The following TRAM2 variants were observed in gnomAD, a reference collection of about 807,000 sequenced individuals.
TRAM2 encodes translocation associated membrane protein 2.
In TRAM2, 12 loss-of-function variants were observed where a neutral mutation model predicts 51.0. That is an observed-to-expected ratio of 0.24 (90% CI 0.15 to 0.38). The LOEUF is 0.38. Ranked by LOEUF, TRAM2 falls within the 10% of genes least tolerant of loss-of-function variation. The pLI, the probability that TRAM2 is intolerant of heterozygous loss-of-function variation, is 1.00. For missense variants in TRAM2, 361 were observed against 462.0 expected (o/e 0.78, Z 2.00); for synonymous variants, 175 against 179.4 (o/e 0.98, Z 0.20).
At chr6:52,514,486 C>T (rs1766508564) in intron 4 of TRAM2, among the ~76,000 whole-genome samples, 1 of 152,160 alleles carries the variant, frequency 6.6e-6, no homozygotes, top group Non-Finnish European at 1.5e-5. Context: ...GAATAAAAAA[C>T]TGTTATGTGC....
chr6:52,533,459 T>C (rs1428057287), intron 2 of TRAM2, among the ~76,000 whole-genome samples: 1 of 152,222 alleles, frequency 6.6e-6, no homozygotes, highest in Non-Finnish European at 1.5e-5. Context: ...GTCTGCTTCC[T>C]GACCACTGGT....
At chr6:52,549,812 G>C (rs1466451547) in intron 1 of TRAM2, among the ~76,000 whole-genome samples, 2 of 152,166 alleles carry the variant, frequency 1.3e-5, no homozygotes, top group African/African-American at 2.4e-5. Flanking sequence ...AAGCAATGGT[G>C]ATTCTAAATC....
At chr6:52,559,345 T>G (rs1159494622) in intron 1 of TRAM2, among the ~76,000 whole-genome samples, 4 of 152,208 alleles carry the variant, frequency 2.6e-5, no homozygotes, top group Non-Finnish European at 4.4e-5. Flanking sequence ...GGCGAGTGAC[T>G]TGAATTATCT....
intron 10 of TRAM2, among the ~76,000 whole-genome samples, chr6:52,504,314 C>T (rs556337740): frequency 6.6e-6 from 1 of 152,318 alleles, no homozygotes; most frequent in East Asian, 1.9e-4. Context: ...GGACACGCTT[C>T]CTGCCAGAGT....
chr6:52,547,223 G>C (rs1015274698), intron 1 of TRAM2, among the ~76,000 whole-genome samples: 1 of 152,164 alleles, frequency 6.6e-6, no homozygotes, highest in Non-Finnish European at 1.5e-5. Flanking sequence ...GAGAAATGTG[G>C]TTGGACATGC....
chr6:52,552,987 C>G (rs963471242), intron 1 of TRAM2, among the ~76,000 whole-genome samples: 5 of 152,270 alleles, frequency 3.3e-5, no homozygotes, highest in Middle Eastern at 3.4e-3. Flanking sequence ...TCATTTGCCA[C>G]CAGCCTGTAG....
At chr6:52,523,560 C>A (rs1398385891) in intron 2 of TRAM2, 1 of 152,236 alleles carries the variant, frequency 6.6e-6, no homozygotes, top group African/African-American at 2.4e-5. Context: ...ACAATATATT[C>A]TTGCTAAGGC....
intron 1 of TRAM2, among the ~76,000 whole-genome samples, chr6:52,576,325 T>C (rs767993598): frequency 4.0e-5 from 6 of 151,896 alleles, no homozygotes; most frequent in Non-Finnish European, 8.8e-5. Flanking sequence ...GAAAATCACA[T>C]AGGAAGTGGA....
At chr6:52,570,445 C>G (rs17665178) in intron 1 of TRAM2, among the ~76,000 whole-genome samples, 33,699 of 152,086 alleles carry the variant, frequency 0.22, 4,622 homozygotes, top group Non-Finnish European at 0.31. Context: ...CACAGACACC[C>G]CATTTGTGGA....
chr6:52,527,821 T>G (rs1766811751), intron 2 of TRAM2, among the ~76,000 whole-genome samples: 1 of 152,202 alleles, frequency 6.6e-6, no homozygotes, highest in African/African-American at 2.4e-5. Context: ...TTCATTGAGC[T>G]GAACACATGA....
At chr6:52,561,661 T>C (rs1204020126) in intron 1 of TRAM2, among the ~76,000 whole-genome samples, 2 of 152,034 alleles carry the variant, frequency 1.3e-5, no homozygotes, top group Non-Finnish European at 2.9e-5. Context: ...AATTTTTTTT[T>C]TTGTACTTTT....
At chr6:52,536,581 G>A (rs1330329693) in intron 1 of TRAM2, among the ~76,000 whole-genome samples, 1 of 152,176 alleles carries the variant, frequency 6.6e-6, no homozygotes, top group African/African-American at 2.4e-5. Context: ...TCAAATGCCA[G>A]CTCTGCCATT....
At chr6:52,503,363 G>T in intron 10 of TRAM2, 93 bp from the exon 11 acceptor site, 2 of 1,163,186 alleles carry the variant, frequency 1.7e-6, no homozygotes, top group Non-Finnish European at 2.6e-6. Flanking sequence ...AAGGGGCCCG[G>T]GCAGCCCAGC....
At chr6:52,576,639 G>A (rs1266497898) in intron 1 of TRAM2, among the ~76,000 whole-genome samples, 157 bp downstream of exon 1, 1 of 152,182 alleles carries the variant, frequency 6.6e-6, no homozygotes, top group East Asian at 1.9e-4. Flanking sequence ...CGGGGTACAG[G>A]CCGGAGGGGT....
chr6:52,565,033 G>A (rs1437208827), intron 1 of TRAM2, among the ~76,000 whole-genome samples: 1 of 152,204 alleles, frequency 6.6e-6, no homozygotes, highest in African/African-American at 2.4e-5. Flanking sequence ...TCTGCAATGA[G>A]GGTCAGGGCA....
intron 1 of TRAM2, among the ~76,000 whole-genome samples, chr6:52,551,225 A>C (rs143984657): frequency 1.2e-3 from 179 of 152,320 alleles, no homozygotes; most frequent in Non-Finnish European, 2.0e-3. Context: ...ACACTCGATC[A>C]CATAGCTTTA....
Position 52,565,946 on chromosome 6 carries a change from C to T in TRAM2, c.120+10850G>A, listed in dbSNP as rs992012732. Among the ~76,000 whole-genome samples, 8 of 152,252 alleles carry T rather than the reference C, an allele frequency of 5.3e-5. 1 individual carries two copies. Among genetic ancestry groups the T allele is most frequent in the South Asian group, 2.1e-4 (1 of 4,826 alleles). ...AAACCAGTTTCCTTAGGTAAGTCCA[C>T]GGTATTTGCATGCAAGCATCATTAT... is the stretch of plus-strand genomic sequence containing the variant. On this transcript the variant is annotated intron_variant, in intron 1 of 10. Coordinates refer to ENST00000182527, the MANE Select transcript of TRAM2 (RefSeq NM_012288.4).
At chr6:52,537,804 T>C (rs1459915811) in intron 1 of TRAM2, among the ~76,000 whole-genome samples, 1 of 152,172 alleles carries the variant, frequency 6.6e-6, no homozygotes, top group Non-Finnish European at 1.5e-5. Context: ...TAACGGCTCA[T>C]TGCTTAAGAT....
At chr6:52,536,774 G>T (rs993150278) in intron 1 of TRAM2, among the ~76,000 whole-genome samples, 2 of 152,176 alleles carry the variant, frequency 1.3e-5, no homozygotes, top group East Asian at 3.8e-4. Flanking sequence ...GTGGGCCTGA[G>T]AACCACCATC....
Sources: gnomAD v4.1 joint callset for allele counts (sites outside exome capture counted in the v4.1 genomes callset) on GRCh38, gnomAD v4.1.1 for gene constraint, MANE v1.5 for transcripts, NCBI Gene and HGNC (gene_info 2026-07-23, HGNC 2026-07-21) for gene names.